The following DNAH11 variants were observed in gnomAD, a reference collection of about 807,000 sequenced individuals.
DNAH11 encodes dynein axonemal heavy chain 11.
Under a neutral mutation model 526.0 loss-of-function variants are expected in DNAH11, and 442 were observed. The observed-to-expected ratio is 0.84, with a 90% CI of 0.78 to 0.91. The LOEUF is 0.91. DNAH11 is among the 40% of genes least tolerant of loss of function. The pLI is 0.00. For missense variants in DNAH11, 6,989 were observed against 5,448.7 expected (o/e 1.28, Z -8.90); for synonymous variants, 2,461 against 1,935.9 (o/e 1.27, Z -7.12).
At chr7:21,882,116 G>A (rs146016684) in intron 75 of DNAH11, among the ~76,000 whole-genome samples, 1 of 152,152 alleles carries the variant, frequency 6.6e-6, no homozygotes, top group Non-Finnish European at 1.5e-5. Context: ...TAACTGTCCT[G>A]TGAGGCTGCA....
intron 50 of DNAH11, 40 bp from the exon 51 acceptor site, chr7:21,744,830 A>G (rs369017888): frequency 1.9e-6 from 3 of 1,572,050 alleles, no homozygotes; most frequent in East Asian, 2.3e-5. Flanking sequence ...ACCTCTATGG[A>G]TGGTTGACAT....
At chr7:21,801,314 C>G (rs1422749296) in intron 62 of DNAH11, 39 bp downstream of exon 62, 1 of 1,609,362 alleles carries the variant, frequency 6.2e-7, no homozygotes, top group South Asian at 1.1e-5. Context: ...CTAAAATGTT[C>G]AGATCAGCTT....
chr7:21,747,457 A>T (rs1391566459), intron 51 of DNAH11, among the ~76,000 whole-genome samples: 1 of 152,132 alleles, frequency 6.6e-6, no homozygotes, highest in Non-Finnish European at 1.5e-5. Context: ...GATGGCATCA[A>T]ATTTGGGGTG....
At chr7:21,665,176 C>T (rs1262503074) in intron 30 of DNAH11, among the ~76,000 whole-genome samples, 3 of 151,970 alleles carry the variant, frequency 2.0e-5, no homozygotes, top group Non-Finnish European at 2.9e-5. Context: ...CTCCCCCTTT[C>T]TACCTTTCTC....
intron 65 of DNAH11, among the ~76,000 whole-genome samples, chr7:21,824,394 C>T (rs1038246718): frequency 3.3e-5 from 5 of 152,042 alleles, no homozygotes; most frequent in African/African-American, 1.2e-4. Context: ...TAAAGTCTAA[C>T]AGACAGGACA....
intron 60 of DNAH11, 108 bp downstream of exon 60, chr7:21,787,691 T>C (rs1201906804): frequency 2.1e-6 from 2 of 970,800 alleles, no homozygotes; most frequent in African/African-American, 3.3e-5. Flanking sequence ...ATTTTCTGAA[T>C]AAGGATATGT....
At position 21,697,876 on chromosome 7, in the gene DNAH11, T is replaced by C. The variant is rs79889800; in HGVS notation, c.6042-199T>C. On this transcript the variant is annotated intron_variant, in intron 35 of 81. Coordinates refer to ENST00000409508, the MANE Select transcript of DNAH11 (RefSeq NM_001277115.2). ...CCTGTGCTTCTGCCATTCCAGACTT[T>C]CTATCATTTTTTGTGTCCAGTAATG... Among the ~76,000 whole-genome samples, 3,263 of 152,258 alleles carry C rather than the reference T, an allele frequency of 0.021. 63 individuals are homozygous for C. Among genetic ancestry groups the C allele is most frequent in the African/African-American group, 0.06 (2,496 of 41,530 alleles).
At chr7:21,732,069 C>T (rs773591018) in intron 45 of DNAH11, among the ~76,000 whole-genome samples, 29 of 152,330 alleles carry the variant, frequency 1.9e-4, no homozygotes, top group Non-Finnish European at 2.9e-4. Context: ...GAACATACCT[C>T]GCCCAGGTTA....
At chr7:21,894,418 A>G (rs185192119) in intron 77 of DNAH11, among the ~76,000 whole-genome samples, 2 of 152,234 alleles carry the variant, frequency 1.3e-5, no homozygotes, top group African/African-American at 4.8e-5. Context: ...GCACTGGTAC[A>G]GAGGCACCAA....
At chr7:21,684,991 G>T (rs74599730) in intron 32 of DNAH11, among the ~76,000 whole-genome samples, 1 of 152,124 alleles carries the variant, frequency 6.6e-6, no homozygotes, top group Non-Finnish European at 1.5e-5. Context: ...CTATAAAGCT[G>T]GTTTGCTATG....
chr7:21,589,490 A>G (rs1784599179), intron 12 of DNAH11, 87 bp downstream of exon 12: 1 of 1,163,656 alleles, frequency 8.6e-7, no homozygotes, highest in African/African-American at 1.6e-5. Context: ...TGTAATTTAC[A>G]TTTGGGAAAA....
At chr7:21,685,180 A>T (rs1452304149) in intron 32 of DNAH11, among the ~76,000 whole-genome samples, 1 of 152,228 alleles carries the variant, frequency 6.6e-6, no homozygotes, top group Non-Finnish European at 1.5e-5. Flanking sequence ...TAGTTAATTT[A>T]TGCATTGCTT....
rs528664180 is a variant in DNAH11 at position 21,760,417 on chromosome 7, C to T, written c.8941-5011C>T. On this transcript the variant is annotated intron_variant, in intron 54 of 81. Transcript: ENST00000409508. ...GAAGGTTTCTTTGGGGCACATGTGG[C>T]AATATTTCCATGGAAGGATTCAGCT... Among the ~76,000 whole-genome samples, 334 of 152,222 alleles carry T rather than the reference C, an allele frequency of 2.2e-3. 2 individuals are homozygous for T. The highest frequency in any genetic ancestry group is 7.7e-3 in the African/African-American group (321 of 41,534).
chr7:21,683,391 T>A (rs1299249913), intron 31 of DNAH11, among the ~76,000 whole-genome samples: 2 of 152,182 alleles, frequency 1.3e-5, no homozygotes, highest in Non-Finnish European at 1.5e-5. Context: ...TGGTTGAAAA[T>A]GTAGTTTATT....
At chr7:21,842,516 C>T in intron 65 of DNAH11, 28 bp from the exon 66 acceptor site, 1 of 1,597,236 alleles carries the variant, frequency 6.3e-7, no homozygotes, top group Non-Finnish European at 8.6e-7. Flanking sequence ...TAGGAGTCTC[C>T]TGAAAGTCTG....
intron 14 of DNAH11, among the ~76,000 whole-genome samples, chr7:21,596,979 A>G (rs1196805848): frequency 3.3e-5 from 5 of 152,166 alleles, no homozygotes; most frequent in Non-Finnish European, 5.9e-5. Context: ...GGTGAGGAAC[A>G]TGGTTTGGGG....
rs1165156659 is a variant in DNAH11, at chr7:21,616,252, A to G, written c.4055A>G (p.His1352Arg). Residue 1352 changes from histidine to arginine, a missense_variant, in exon 22 of 82, where the codon CAT becomes CGT. Physicochemically the swap from His to Arg is conservative, Grantham distance 29. Transcript: ENST00000409508. ...NWTKTQWRQI[H>R]VEQMDVELRR... is the part of the protein sequence containing the mutation. ...ACTAAAACCCAGTGGAGACAGATTC[A>G]TGTGGAACAGATGGATGTAGAACTC... 2 of 1,613,656 alleles carry G rather than the reference A, an allele frequency of 1.2e-6. No individual in the cohort carries two copies. The highest frequency in any genetic ancestry group is 2.2e-5 in the East Asian group (1 of 44,866).
chr7:21,543,322 G>C lies in DNAH11; in HGVS notation c.77G>C (p.Gly26Ala). Residue 26 changes from glycine to alanine, a missense_variant, in exon 1 of 82, where the codon GGC becomes GCC. Physicochemically the swap from Gly to Ala is moderately conservative, Grantham distance 60. Transcript: ENST00000409508. Reference sequence around the variant, plus strand: ...ACCCTTCGCCTAACCTCGGGGGCCGGCCTGGAGGCAGTGGGCGCTGTGGAG... The same window carrying C: ...ACCCTTCGCCTAACCTCGGGGGCCGCCCTGGAGGCAGTGGGCGCTGTGGAG... ...APTLRLTSGA[G>A]LEAVGAVELE... is the part of the protein sequence containing the mutation. 1 of 1,550,540 alleles carries C rather than the reference G, an allele frequency of 6.4e-7. No individual in the cohort carries two copies. Among genetic ancestry groups the C allele is most frequent in the South Asian group, 1.2e-5 (1 of 84,022 alleles).
At chr7:21,639,122 C>A (rs781244982) in intron 28 of DNAH11, 57 bp downstream of exon 28, 11 of 1,518,320 alleles carry the variant, frequency 7.2e-6, no homozygotes, top group Non-Finnish European at 9.7e-6. Context: ...AATGTCATAG[C>A]GTCTCTATCA....
Sources: gnomAD v4.1 joint callset for allele counts (sites outside exome capture counted in the v4.1 genomes callset) on GRCh38, gnomAD v4.1.1 for gene constraint, MANE v1.5 for transcripts, NCBI Gene and HGNC (gene_info 2026-07-23, HGNC 2026-07-21) for gene names.